The following GPM6A variants were observed in gnomAD, a reference collection of about 807,000 sequenced individuals.
The protein encoded by GPM6A is neuronal membrane glycoprotein M6-a.
GPM6A carries 7 observed loss-of-function variants against 32.1 expected under a neutral mutation model. The ratio of observed to expected loss-of-function variants is 0.22; its 90% CI spans 0.12 to 0.41. GPM6A has a LOEUF of 0.41. Ranked by LOEUF, GPM6A falls within the 10% of genes least tolerant of loss-of-function variation. GPM6A has a pLI of 1.00. For missense variants in GPM6A, 235 were observed against 347.2 expected (o/e 0.68, Z 2.57); for synonymous variants, 130 against 123.4 (o/e 1.05, Z -0.35).
chr4:175,948,101 G>A (rs41533650), intron 1 of GPM6A, among the ~76,000 whole-genome samples: 25,648 of 152,110 alleles, frequency 0.17, 2,376 homozygotes, highest in Non-Finnish European at 0.21. Context: ...GACACCTGAA[G>A]ATAATACTTG....
chr4:175,961,773 A>G (rs907259808), intron 1 of GPM6A, among the ~76,000 whole-genome samples: 1 of 152,168 alleles, frequency 6.6e-6, no homozygotes, highest in Admixed American at 6.6e-5. Flanking sequence ...CCTACCCTCA[A>G]GGGAAAATAT....
At chr4:175,736,102 T>G (rs572484898) in intron 1 of GPM6A, among the ~76,000 whole-genome samples, 1 of 152,334 alleles carries the variant, frequency 6.6e-6, no homozygotes, top group Non-Finnish European at 1.5e-5. Flanking sequence ...CATAGCTTAC[T>G]GCAGTCTTGA....
chr4:175,764,988 C>T (rs1732903941), intron 1 of GPM6A, among the ~76,000 whole-genome samples: 1 of 151,846 alleles, frequency 6.6e-6, no homozygotes, highest in Non-Finnish European at 1.5e-5. Context: ...ATTCTCCTGC[C>T]TCAGCCTCCC....
chr4:175,787,367 C>T, intron 1 of GPM6A: 1 of 1,535,188 alleles, frequency 6.5e-7, no homozygotes, highest in Non-Finnish European at 8.7e-7. Flanking sequence ...TGTGATGCTG[C>T]CGGCCGCTGG....
At chr4:175,806,715 A>C (rs1404140176) in intron 1 of GPM6A, 1 of 152,250 alleles carries the variant, frequency 6.6e-6, no homozygotes, top group Non-Finnish European at 1.5e-5. Context: ...GTAGAACTAC[A>C]TTTGAAAATA....
intron 1 of GPM6A, among the ~76,000 whole-genome samples, chr4:175,981,692 G>A (rs143214845): frequency 5.5e-4 from 84 of 152,132 alleles, no homozygotes; most frequent in East Asian, 1.9e-3. Flanking sequence ...ATAAACCTGC[G>A]CTTAACAGAT....
chr4:175,678,500 T>A (rs1056395706), intron 2 of GPM6A, among the ~76,000 whole-genome samples: 7 of 152,154 alleles, frequency 4.6e-5, no homozygotes, highest in Non-Finnish European at 1.0e-4. Flanking sequence ...CTAGAGATCC[T>A]GTGACAATAT....
intron 1 of GPM6A, chr4:175,962,038 C>T (rs993344526): frequency 3.0e-6 from 2 of 673,498 alleles, no homozygotes; most frequent in African/African-American, 1.8e-5. Context: ...TCAGGCCTTA[C>T]TTAAGAAATT....
intron 1 of GPM6A, among the ~76,000 whole-genome samples, chr4:175,717,393 A>C (rs1187508570): frequency 6.6e-6 from 1 of 152,200 alleles, no homozygotes; most frequent in East Asian, 1.9e-4. Flanking sequence ...TCTCTTGATC[A>C]TAATATCCAT....
intron 1 of GPM6A, among the ~76,000 whole-genome samples, chr4:175,731,291 C>T (rs1355896323): frequency 6.6e-6 from 1 of 152,064 alleles, no homozygotes; most frequent in Non-Finnish European, 1.5e-5. Flanking sequence ...ACAGCCGGTC[C>T]GTGTACTGCA....
At chr4:175,683,956 C>T (rs1302739197) in intron 2 of GPM6A, among the ~76,000 whole-genome samples, 2 of 151,816 alleles carry the variant, frequency 1.3e-5, no homozygotes, top group South Asian at 2.1e-4. Context: ...CTCAGCCTCC[C>T]GAATTGCTGG....
At chr4:175,719,428 G>C (rs772568753) in intron 1 of GPM6A, among the ~76,000 whole-genome samples, 1 of 151,986 alleles carries the variant, frequency 6.6e-6, no homozygotes, top group African/African-American at 2.4e-5. Context: ...TTGATCCCTT[G>C]ACCTCATATA....
At chr4:175,749,494 T>G (rs1024588774) in intron 1 of GPM6A, among the ~76,000 whole-genome samples, 2 of 152,180 alleles carry the variant, frequency 1.3e-5, no homozygotes, top group African/African-American at 4.8e-5. Context: ...TAAGATGAAG[T>G]CTGCATGTGT....
chr4:175,652,989 A>G (rs1311874749), intron 3 of GPM6A, among the ~76,000 whole-genome samples: 5 of 152,158 alleles, frequency 3.3e-5, no homozygotes, highest in Non-Finnish European at 7.4e-5. Context: ...GCAGTACAGC[A>G]TATAATAAAT....
chr4:175,981,005 A>C lies in GPM6A; in HGVS notation c.-23+21304T>G, dbSNP rs542019175. Among the ~76,000 whole-genome samples, 4 of 152,348 alleles carry C rather than the reference A, an allele frequency of 2.6e-5. No individual in the cohort carries two copies. The South Asian group carries it at 8.3e-4, about 32-fold the overall frequency. ...TGTCTAACACTTAAAGATTTTGTAC[A>C]TTGTATGAAACTGAAGGAAATGAAG... On this transcript the variant is annotated intron_variant, in intron 1 of 7. Coordinates refer to the GPM6A transcript ENST00000280187.
At chr4:175,841,759 AATGGAGGGATT>A (rs1735943390) in intron 1 of GPM6A, among the ~76,000 whole-genome samples, 1 of 152,202 alleles carries the variant, frequency 6.6e-6, no homozygotes, top group African/African-American at 2.4e-5. Context: ...CATTTTTATA[AATGGAGGGATT>A]ATAAGGCTGA....
chr4:175,643,032 G>T (rs1015942129), intron 4 of GPM6A, among the ~76,000 whole-genome samples: 1 of 151,470 alleles, frequency 6.6e-6, no homozygotes, highest in African/African-American at 2.4e-5. Context: ...TTTTTCCCCC[G>T]CAAACCCTAC....
At chr4:175,991,856 T>C (rs965161101) in intron 1 of GPM6A, among the ~76,000 whole-genome samples, 2 of 152,158 alleles carry the variant, frequency 1.3e-5, no homozygotes, top group Admixed American at 6.5e-5. Context: ...TGGTCATTTT[T>C]ACCTGGAGAT....
chr4:175,905,837 C>T (rs1738114337), intron 1 of GPM6A, among the ~76,000 whole-genome samples: 1 of 152,030 alleles, frequency 6.6e-6, no homozygotes, highest in South Asian at 2.1e-4. Flanking sequence ...AGATGCAATG[C>T]CTTTTGTCCT....
Sources: gnomAD v4.1 joint callset for allele counts (sites outside exome capture counted in the v4.1 genomes callset) on GRCh38, gnomAD v4.1.1 for gene constraint, MANE v1.5 for transcripts, NCBI Gene and HGNC (gene_info 2026-07-23, HGNC 2026-07-21) for gene names.